CNTNAP2: variants seen among roughly 807,000 people sequenced by gnomAD.
CNTNAP2 encodes the protein contactin associated protein 2, also known as contactin-associated protein-like 2.
Under a neutral mutation model 155.2 loss-of-function variants are expected in CNTNAP2, and 98 were observed. The observed-to-expected ratio is 0.63, with a 90% CI of 0.54 to 0.75. The LOEUF (loss-of-function observed/expected upper bound fraction) is 0.75. Ranked by LOEUF, CNTNAP2 falls within the 30% of genes least tolerant of loss-of-function variation. The probability of loss-of-function intolerance (pLI) is 0.00; values close to 1 mark genes in which losing one functional copy is unlikely to be tolerated. For missense variants in CNTNAP2, 1,727 were observed against 1,688.1 expected, an observed-to-expected ratio of 1.02 and a Z score of -0.40; for synonymous variants, 651 against 631.2, an observed-to-expected ratio of 1.03 and a Z score of -0.47.
At chr7:146,880,823 T>A (rs1414769841) in intron 3 of CNTNAP2, among the ~76,000 whole-genome samples, 1 of 152,164 alleles carries the variant, frequency 6.6e-6, no homozygotes, top group African/African-American at 2.4e-5. Context: ...TTTAATCTGT[T>A]GTCTACAAAA....
intron 2 of CNTNAP2, among the ~76,000 whole-genome samples, chr7:146,780,012 T>G (rs188261450): frequency 6.6e-6 from 1 of 152,220 alleles, no homozygotes; most frequent in Admixed American, 6.5e-5. Context: ...GAATGATTTA[T>G]AATCCTTTGG....
chr7:147,323,633 G>T (rs1225974926), intron 9 of CNTNAP2, among the ~76,000 whole-genome samples: 1 of 151,906 alleles, frequency 6.6e-6, no homozygotes, highest in Admixed American at 6.6e-5. Context: ...GGGTATCCTT[G>T]TTGACTTTCT....
chr7:147,330,979 G>C (rs1480210171), intron 9 of CNTNAP2, among the ~76,000 whole-genome samples: 1 of 152,152 alleles, frequency 6.6e-6, no homozygotes, highest in Non-Finnish European at 1.5e-5. Context: ...TAACTAGTGG[G>C]ACTCAGTTTT....
intron 1 of CNTNAP2, among the ~76,000 whole-genome samples, chr7:146,128,069 T>A (rs1797662484): frequency 6.6e-6 from 1 of 152,176 alleles, no homozygotes; most frequent in Admixed American, 6.6e-5. Flanking sequence ...GCGAAGCCTG[T>A]TTCAAATTTT....
At chr7:148,279,723 C>T (rs1466914926) in intron 21 of CNTNAP2, among the ~76,000 whole-genome samples, 1 of 152,072 alleles carries the variant, frequency 6.6e-6, no homozygotes, top group African/African-American at 2.4e-5. Context: ...AAGAAAAAAG[C>T]CTATTGATAA....
intron 3 of CNTNAP2, among the ~76,000 whole-genome samples, chr7:147,012,442 G>T (rs1212072671): frequency 2.6e-5 from 4 of 152,000 alleles, no homozygotes; most frequent in African/African-American, 7.2e-5. Context: ...AAAATTGTCT[G>T]AAAAAGAGAA....
chr7:148,074,720 A>G (rs997565106), intron 15 of CNTNAP2, among the ~76,000 whole-genome samples: 5 of 152,056 alleles, frequency 3.3e-5, no homozygotes, highest in Non-Finnish European at 7.4e-5. Flanking sequence ...AAATTAATTT[A>G]TAGAAATCCT....
chr7:147,225,897 A>C, intron 8 of CNTNAP2, among the ~76,000 whole-genome samples: 1 of 128,400 alleles, frequency 7.8e-6, no homozygotes, highest in African/African-American at 2.9e-5. Flanking sequence ...GAAGGAAGGA[A>C]GGAAGGAAAG....
intron 1 of CNTNAP2, among the ~76,000 whole-genome samples, chr7:146,576,242 A>G (rs1318209475): frequency 6.6e-6 from 1 of 152,202 alleles, no homozygotes; most frequent in African/African-American, 2.4e-5. Flanking sequence ...TTAGAGTTTT[A>G]TCCTGAACCA....
At chr7:147,816,754 G>A (rs932018891) in intron 13 of CNTNAP2, among the ~76,000 whole-genome samples, 2 of 152,014 alleles carry the variant, frequency 1.3e-5, no homozygotes, top group African/African-American at 2.4e-5. Flanking sequence ...TGGAAATATT[G>A]CAGTTCATTA....
At chr7:147,517,339 T>A (rs1470240217) in intron 11 of CNTNAP2, among the ~76,000 whole-genome samples, 3 of 152,186 alleles carry the variant, frequency 2.0e-5, no homozygotes, top group Non-Finnish European at 4.4e-5. Flanking sequence ...ATACTCCTAC[T>A]CTTAAATCTT....
intron 9 of CNTNAP2, among the ~76,000 whole-genome samples, chr7:147,360,532 A>G (rs1796131249): frequency 6.6e-6 from 1 of 151,808 alleles, no homozygotes; most frequent in African/African-American, 2.4e-5. Context: ...TTCTTGATTA[A>G]CTCTTACTAC....
chr7:148,173,534 G>C (rs116120110), intron 18 of CNTNAP2, among the ~76,000 whole-genome samples: 1 of 152,232 alleles, frequency 6.6e-6, no homozygotes, highest in Non-Finnish European at 1.5e-5. Context: ...CCAGGCTACT[G>C]TTTGGCAGCG....
chr7:148,101,484 G>A (rs1254422098), intron 15 of CNTNAP2, among the ~76,000 whole-genome samples: 2 of 151,758 alleles, frequency 1.3e-5, no homozygotes, highest in African/African-American at 4.8e-5. Flanking sequence ...AGTACTAAAT[G>A]CACTTGAAAT....
chr7:146,814,597 T>G (rs962896171), intron 2 of CNTNAP2, among the ~76,000 whole-genome samples: 3 of 152,148 alleles, frequency 2.0e-5, no homozygotes, highest in Non-Finnish European at 4.4e-5. Flanking sequence ...CAATTAATAT[T>G]CTTTGCTAAT....
intron 3 of CNTNAP2, among the ~76,000 whole-genome samples, chr7:147,018,167 G>C (rs1406175172): frequency 1.3e-5 from 2 of 151,988 alleles, no homozygotes; most frequent in African/African-American, 2.4e-5. Flanking sequence ...TTCAGTTTTG[G>C]ATAATTTATC....
intron 1 of CNTNAP2, among the ~76,000 whole-genome samples, chr7:146,243,068 T>TTTAAG (rs10690057): frequency 0.31 from 47,437 of 151,788 alleles, 13,356 homozygotes; most frequent in African/African-American, 0.76. Flanking sequence ...GATTTCTGTT[T>TTTAAG]TTTAGTCTTC....
At chr7:147,329,707 G>T (rs1563163060) in intron 9 of CNTNAP2, among the ~76,000 whole-genome samples, 1 of 151,274 alleles carries the variant, frequency 6.6e-6, no homozygotes, top group Non-Finnish European at 1.5e-5. Flanking sequence ...TTGATATATG[G>T]TTCTTACTTA....
At chr7:146,622,513 G>A (rs1285916589) in intron 1 of CNTNAP2, among the ~76,000 whole-genome samples, 2 of 151,962 alleles carry the variant, frequency 1.3e-5, no homozygotes, top group African/African-American at 4.8e-5. Flanking sequence ...CTTCATATCT[G>A]TTTGTATGTA....
Sources: gnomAD v4.1 joint callset for allele counts (sites outside exome capture counted in the v4.1 genomes callset) on GRCh38, gnomAD v4.1.1 for gene constraint, MANE v1.5 for transcripts, NCBI Gene and HGNC (gene_info 2026-07-23, HGNC 2026-07-21) for gene names.